Variants in ZNF257 observed in about 807,000 individuals in gnomAD.
The protein encoded by ZNF257 is bone marrow zinc finger 4.
In ZNF257, 12 loss-of-function variants were observed where a neutral mutation model predicts 11.9. The observed-to-expected ratio is 1.01, with a 90% CI of 0.65 to 1.63. The LOEUF (loss-of-function observed/expected upper bound fraction) is 1.63. ZNF257 is among the 40% of genes most tolerant of loss of function. The pLI, the probability that ZNF257 is intolerant of heterozygous loss-of-function variation, is 0.00. For synonymous variants in ZNF257, 183 were observed against 222.7 expected (o/e 0.82, Z 1.59); for missense variants, 580 against 665.5 (o/e 0.87, Z 1.41).
rs751926361 is a variant in ZNF257, at chr19:22,079,367, CA to C, written c.226+5805del. 3.0e-4 allele frequency among the ~76,000 whole-genome samples: 46 copies of C among 152,136 alleles called. 1 individual carries two copies. The highest frequency in any genetic ancestry group is 3.4e-3 in the Middle Eastern group (1 of 292). ...TGTAATCAAGGTTTAAACTTTTACACAAGATTTCTTGTATTGGTTGGTCTGT... is the reference window on the plus strand; with the variant it reads ...TGTAATCAAGGTTTAAACTTTTACACAGATTTCTTGTATTGGTTGGTCTGT... On this transcript the variant is annotated intron_variant, in intron 3 of 3. Coordinates refer to ENST00000594947, the MANE Select transcript of ZNF257 (RefSeq NM_033468.4).
At chr19:22,075,113 T>C (rs1242800030) in intron 3 of ZNF257, among the ~76,000 whole-genome samples, 10 of 152,114 alleles carry the variant, frequency 6.6e-5, no homozygotes, top group African/African-American at 2.2e-4. Flanking sequence ...GGTTGTAGCT[T>C]GGTCACAAGA....
intron 3 of ZNF257, 59 bp from the exon 4 acceptor site, chr19:22,087,918 T>TA (rs2022511676): frequency 7.0e-7 from 1 of 1,419,708 alleles, no homozygotes; most frequent in Non-Finnish European, 9.3e-7. Flanking sequence ...GTTAGATTTG[T>TA]AAAAAATATT....
chr19:22,073,409 T>G (rs1037639049), intron 2 of ZNF257, 60 bp from the exon 3 acceptor site: 4 of 1,533,486 alleles, frequency 2.6e-6, no homozygotes, highest in Non-Finnish European at 3.5e-6. Flanking sequence ...TTGAGCACAT[T>G]ACTAAGTTGG....
chr19:22,065,669 T>G (rs961934583), intron 1 of ZNF257, among the ~76,000 whole-genome samples: 3 of 152,156 alleles, frequency 2.0e-5, no homozygotes, highest in Non-Finnish European at 4.4e-5. Flanking sequence ...GTAAGCATAA[T>G]TTTAGTGTCT....
chr19:22,059,610 C>T (rs549584649), intron 1 of ZNF257, among the ~76,000 whole-genome samples: 12 of 148,038 alleles, frequency 8.1e-5, no homozygotes, highest in Admixed American at 6.8e-4. Flanking sequence ...GCTCCATCCA[C>T]GTTGCTACAA....
chr19:22,089,118 G>A lies in ZNF257; in HGVS notation c.1368G>A (p.Glu456=), dbSNP rs181813260. The part of the protein sequence containing the change: ...LIRHKIIHTG[E]KPYKCEECGK... ...GACATAAGATAATTCATACTGGAGA[G>A]AAACCCTACAAATGTGAAGAGTGTG... The change falls in exon 4 of 4, where the codon GAG becomes GAA. Residue 456 remains glutamate, a synonymous_variant. Transcript: ENST00000594947. 507 of 1,613,816 alleles carry A rather than the reference G, an allele frequency of 3.1e-4. 4 individuals carry two copies. In the African/African-American group the frequency reaches 5.8e-3, roughly 18 times the overall value.
At chr19:22,055,506 A>G (rs1313303689) in intron 1 of ZNF257, among the ~76,000 whole-genome samples, 1 of 151,926 alleles carries the variant, frequency 6.6e-6, no homozygotes, top group Non-Finnish European at 1.5e-5. Flanking sequence ...GTGCCTGGCC[A>G]AAAAACAGTA....
rs2022585647 is a variant in ZNF257 at position 22,089,733 on chromosome 19, TA to T, written c.*295del. On this transcript the variant is annotated 3_prime_UTR_variant, in exon 4 of 4. Transcript: ENST00000594947. The stretch of plus-strand genomic sequence containing the variant: ...AATATGAAGAATGTGACAAGGCCTT[TA>T]AAAGTTCTCAACCCTTATTACACAT... 1 of 550,494 alleles carries T rather than the reference TA, an allele frequency of 1.8e-6. No homozygotes were observed. Among genetic ancestry groups the T allele is most frequent in the Non-Finnish European group, 2.9e-6 (1 of 346,042 alleles). The allele number at this position is 550,494 out of a possible 1,614,324, so 34.1% of individuals were successfully genotyped here.
chr19:22,085,282 TG>T (rs1211560283), intron 3 of ZNF257, among the ~76,000 whole-genome samples: 1 of 152,002 alleles, frequency 6.6e-6, no homozygotes, highest in African/African-American at 2.4e-5. Context: ...TTGGCCAGGC[TG>T]GTCTTGAACT....
At chr19:22,073,007 TAGAATG>T in intron 2 of ZNF257, 72 bp downstream of exon 2, 1 of 1,346,252 alleles carries the variant, frequency 7.4e-7, no homozygotes, top group Non-Finnish European at 9.9e-7. Context: ...TTTTTTTTTG[TAGAATG>T]TTTTTTGGTA....
intron 3 of ZNF257, among the ~76,000 whole-genome samples, chr19:22,077,180 A>G (rs1157947642): frequency 1.3e-5 from 2 of 152,038 alleles, no homozygotes; most frequent in African/African-American, 4.8e-5. Context: ...ATAGCCAGGC[A>G]TGGGGGTATG....
chr19:22,065,423 C>T (rs1007572333), intron 1 of ZNF257, among the ~76,000 whole-genome samples: 3 of 152,160 alleles, frequency 2.0e-5, no homozygotes, highest in Non-Finnish European at 2.9e-5. Flanking sequence ...TGGTCTCGAA[C>T]TCCCGACCTC....
intron 1 of ZNF257, among the ~76,000 whole-genome samples, chr19:22,065,420 G>A (rs188107670): frequency 2.0e-5 from 3 of 152,118 alleles, no homozygotes; most frequent in Admixed American, 2.0e-4. Flanking sequence ...GGCTGGTCTC[G>A]AACTCCCGAC....
intron 1 of ZNF257, among the ~76,000 whole-genome samples, chr19:22,062,545 C>T (rs1253247148): frequency 6.7e-6 from 1 of 149,734 alleles, no homozygotes; most frequent in Non-Finnish European, 1.5e-5. Context: ...TACAATGGTG[C>T]AATCTCGGCT....
At chr19:22,076,238 A>G (rs2022220474) in intron 3 of ZNF257, among the ~76,000 whole-genome samples, 1 of 150,386 alleles carries the variant, frequency 6.6e-6, no homozygotes, top group South Asian at 2.1e-4. Flanking sequence ...GTTTTATATA[A>G]TAGACTCCAA....
chr19:22,074,067 CT>C lies in ZNF257; in HGVS notation c.226+512del, dbSNP rs34762841. Among the ~76,000 whole-genome samples, 1,057 of 150,290 alleles carry C rather than the reference CT, an allele frequency of 7.0e-3. 9 individuals carry two copies. The highest frequency in any genetic ancestry group is 0.011 in the African/African-American group (455 of 40,930). On this transcript the variant is annotated intron_variant, in intron 3 of 3. Transcript: ENST00000594947. ...AATTATAAAATATGATGTCATTCTG[CT>C]TTTTTTTTCCTGAAGATTGCTTTGG...
At chr19:22,084,442 T>C (rs1325913378) in intron 3 of ZNF257, among the ~76,000 whole-genome samples, 3 of 148,832 alleles carry the variant, frequency 2.0e-5, no homozygotes, top group Non-Finnish European at 3.0e-5. Context: ...CATTGTTTCT[T>C]TTTTTTTTTG....
At chr19:22,059,506 C>T (rs1327119226) in intron 1 of ZNF257, among the ~76,000 whole-genome samples, 1 of 151,726 alleles carries the variant, frequency 6.6e-6, no homozygotes, top group South Asian at 2.1e-4. Context: ...AGGCTGGTCT[C>T]GAACTCCTGA....
intron 1 of ZNF257, among the ~76,000 whole-genome samples, chr19:22,057,304 GA>G (rs1397918497): frequency 3.3e-5 from 5 of 152,010 alleles, no homozygotes; most frequent in Non-Finnish European, 5.9e-5. Context: ...CTCTGTCATA[GA>G]AATTAAAACT....
Sources: allele counts gnomAD v4.1 joint callset (sites outside exome capture counted in the v4.1 genomes callset), GRCh38; gene constraint gnomAD v4.1.1; transcripts MANE v1.5; gene names NCBI Gene and HGNC (gene_info 2026-07-23, HGNC 2026-07-21).